RNF123: variants seen among roughly 807,000 people sequenced by gnomAD.
RNF123 encodes E3 ubiquitin-protein ligase RNF123.
Under a neutral mutation model 168.5 loss-of-function variants are expected in RNF123, and 86 were observed. The ratio of observed to expected loss-of-function variants is 0.51; its 90% CI spans 0.43 to 0.61. RNF123 has a LOEUF of 0.61. RNF123 is among the 20% of genes least tolerant of loss of function. The pLI is 0.00. For missense variants in RNF123, 1,419 were observed against 1,729.7 expected (o/e 0.82, Z 3.19); for synonymous variants, 666 against 689.1 (o/e 0.97, Z 0.52).
chr3:49,700,883 C>T (rs2054368691), intron 15 of RNF123, among the ~76,000 whole-genome samples, 174 bp downstream of exon 15: 1 of 152,222 alleles, frequency 6.6e-6, no homozygotes, highest in South Asian at 2.1e-4. Flanking sequence ...AAGGACTGAG[C>T]CTGGCCAGCC....
intron 21 of RNF123, 22 bp downstream of exon 21, chr3:49,703,550 G>C: frequency 6.3e-7 from 1 of 1,599,004 alleles, no homozygotes; most frequent in Non-Finnish European, 8.6e-7. Flanking sequence ...CCTGTGGGCC[G>C]GGAGCAGTTC....
rs372491482 is a variant in RNF123, at chr3:49,705,699, C to T, written c.2304+20C>T. The T allele has an allele frequency of 4.3e-5, 70 of 1,613,970 alleles. No individual in the cohort carries two copies. The African/African-American group carries it at 4.9e-4, about 11-fold the overall frequency. ...GGCAAGGTCGTGCACTCTTGGACCC[C>T]GCATTGGGTGGCGGGTGTTGTGCGT... On this transcript the variant is annotated intron_variant, in intron 24 of 38. Coordinates refer to ENST00000327697, the MANE Select transcript of RNF123 (RefSeq NM_022064.5).
intron 35 of RNF123, 153 bp from the exon 36 acceptor site, chr3:49,720,356 GAA>G: frequency 1.6e-6 from 1 of 625,508 alleles, no homozygotes; most frequent in Non-Finnish European, 2.5e-6. Context: ...CACCTTACTA[GAA>G]TACAGGACTT....
At chr3:49,713,846 A>G in intron 29 of RNF123, 21 bp downstream of exon 29, 12 of 1,612,862 alleles carry the variant, frequency 7.4e-6, no homozygotes, top group Non-Finnish European at 1.0e-5. Context: ...CCTGGGGGGC[A>G]CACACCCTGG....
chr3:49,704,095 G>A (rs1048076233), intron 21 of RNF123, among the ~76,000 whole-genome samples: 1 of 152,218 alleles, frequency 6.6e-6, no homozygotes, highest in Non-Finnish European at 1.5e-5. Context: ...GAGAGGGGCT[G>A]CAGGAGGTGG....
rs192360100 is a variant in RNF123 at position 49,702,719 on chromosome 3, C to T, written c.1716C>T (p.Tyr572=). 3 of 1,614,226 alleles carry T rather than the reference C, an allele frequency of 1.9e-6. No individual in the cohort carries two copies. Among genetic ancestry groups the T allele is most frequent in the South Asian group, 1.1e-5 (1 of 91,090 alleles). Residue 572 remains tyrosine (Y), a synonymous_variant, in exon 20 of 39, where the codon TAC becomes TAT. Coordinates refer to ENST00000327697, the MANE Select transcript of RNF123 (RefSeq NM_022064.5). ...ISALRYYWDE[Y]KASNPHASFS... is the part of the protein sequence containing the mutation. ...CCCTGCGCTACTATTGGGATGAATA[C>T]AAGGCTTCCAATCCTCATGCTTCCT...
rs779271523 is a variant in RNF123, at chr3:49,705,580, C to T, written c.2205C>T (p.Pro735=). ...AGGGCTTGCTGCTGGGGCGGCCCCC[C>T]GAGGAGCCTGAGCAGCCCCTCACCG... ...WNEGLLLGRP[P]EEPEQPLTEN... Residue 735 remains proline (P), a synonymous_variant, in exon 24 of 39, where the codon CCC becomes CCT. Transcript: ENST00000327697. The T allele has an allele frequency of 3.8e-5, 61 of 1,610,532 alleles. No individual in the cohort carries two copies. In the Middle Eastern group the frequency reaches 8.3e-4, roughly 22 times the overall value.
intron 3 of RNF123, among the ~76,000 whole-genome samples, chr3:49,693,979 G>A (rs1457382222): frequency 2.0e-5 from 3 of 152,102 alleles, no homozygotes; most frequent in Admixed American, 6.5e-5. Flanking sequence ...AGTTGTTTGC[G>A]TTCTTTGTAT....
At chr3:49,704,933 C>G in intron 22 of RNF123, 51 bp from the exon 23 acceptor site, 1 of 1,534,680 alleles carries the variant, frequency 6.5e-7, no homozygotes. Context: ...GCCCCGTGGG[C>G]CAAGGGAACC....
chr3:49,697,851 G>A (rs764637626), intron 5 of RNF123, 34 bp from the exon 6 acceptor site: 1 of 1,613,584 alleles, frequency 6.2e-7, no homozygotes, highest in Non-Finnish European at 8.5e-7. Context: ...CTGTGTGCCT[G>A]GGAGCTAGCC....
rs145736690 is a variant in RNF123, at chr3:49,713,013, G to T, written c.2674+357G>T. 1,336 of 686,580 alleles carry T rather than the reference G, an allele frequency of 1.9e-3. 4 individuals carry two copies. The highest frequency in any genetic ancestry group is 2.3e-3 in the Non-Finnish European group (877 of 373,754). The allele number at this position is 686,580 out of a possible 1,614,324, so 42.5% of individuals were successfully genotyped here. ...CACTGGTCACAAAGCGTAGCAGTTG[G>T]TCAGGGGCAGAATGGTTTGTCTTGG... On this transcript the variant is annotated intron_variant, in intron 27 of 38. Transcript: ENST00000327697.
intron 27 of RNF123, chr3:49,713,303 C>T (rs1052329830): frequency 1.7e-5 from 10 of 601,800 alleles, no homozygotes; most frequent in African/African-American, 5.6e-5. Context: ...CCTGCCAGGG[C>T]CTGTCATCCC....
rs933112849 is a variant in RNF123 at position 49,712,661 on chromosome 3, T to C, written c.2674+5T>C. 3.7e-6 allele frequency: 6 copies of C among 1,614,124 alleles called. No homozygotes were observed. The highest frequency in any genetic ancestry group is 2.2e-5 in the East Asian group (1 of 44,882). On this transcript the variant is annotated splice_donor_5th_base_variant and intron_variant, in intron 27 of 38. Coordinates refer to ENST00000327697, the MANE Select transcript of RNF123 (RefSeq NM_022064.5). ...ACAGCATGGAGGAGCTCCCAGGTGA[T>C]GGAACCATTCAGGCTGAGGCAGAAG...
chr3:49,704,264 G>A (rs1000577305), intron 21 of RNF123, among the ~76,000 whole-genome samples: 1 of 152,178 alleles, frequency 6.6e-6, no homozygotes, highest in Admixed American at 6.5e-5. Flanking sequence ...AGCAGCCCTG[G>A]CATCTCCTTT....
At chr3:49,702,843 G>A in intron 20 of RNF123, 90 bp downstream of exon 20, 3 of 1,567,536 alleles carry the variant, frequency 1.9e-6, no homozygotes, top group African/African-American at 1.3e-5. Flanking sequence ...CTGAGCTGAG[G>A]CTGTGGGCTG....
chr3:49,718,900 T>C, intron 35 of RNF123: 1 of 1,613,370 alleles, frequency 6.2e-7, no homozygotes, highest in Non-Finnish European at 8.5e-7. Context: ...GGAGGAGAGG[T>C]CCAGAGTAAG....
At chr3:49,703,570 G>A in intron 21 of RNF123, 42 bp downstream of exon 21, 1 of 1,512,240 alleles carries the variant, frequency 6.6e-7, no homozygotes, top group Non-Finnish European at 9.1e-7. Context: ...CTGGGGCCAG[G>A]TGGGGGACTG....
At position 49,720,851 on chromosome 3, in the gene RNF123, C is replaced by T. The variant is rs1231352732; in HGVS notation, c.3695C>T (p.Ala1232Val). 34 of 1,614,174 alleles carry T rather than the reference C, an allele frequency of 2.1e-5. No homozygotes were observed. The highest frequency in any genetic ancestry group is 2.6e-5 in the Non-Finnish European group (31 of 1,180,026). Residue 1232 changes from alanine (A) to valine (V), a missense_variant, in exon 37 of 39, where the codon GCG becomes GTG. Physicochemically the swap from Ala to Val is moderately conservative, Grantham distance 64 (BLOSUM62 0). Transcript: ENST00000327697. The part of the protein sequence containing the change: ...DELAQVEQML[A>V]HLTSASAQAA... ...CTGGCCCAAGTGGAACAGATGCTGG[C>T]GCACCTGACCTCTGCATCTGCCCAG...
At chr3:49,721,135 G>T (rs1383867536) in intron 38 of RNF123, 30 bp downstream of exon 38, 1 of 1,614,038 alleles carries the variant, frequency 6.2e-7, no homozygotes, top group Non-Finnish European at 8.5e-7. Context: ...TGGTGGTGGG[G>T]AGAGCAGTAG....
Sources: allele counts gnomAD v4.1 joint callset (sites outside exome capture counted in the v4.1 genomes callset), GRCh38; gene constraint gnomAD v4.1.1; transcripts MANE v1.5; gene names NCBI Gene and HGNC (gene_info 2026-07-23, HGNC 2026-07-21).